The following LRRTM4 variants were observed in gnomAD, a reference collection of about 807,000 sequenced individuals.
The protein encoded by LRRTM4 is leucine rich repeat transmembrane neuronal 4.
LRRTM4 carries 25 observed loss-of-function variants against 47.6 expected under a neutral mutation model. That is an observed-to-expected ratio of 0.53 (90% CI 0.38 to 0.73). The LOEUF is 0.73. Ranked by LOEUF, LRRTM4 falls within the 30% of genes least tolerant of loss-of-function variation. The probability of loss-of-function intolerance (pLI) is 0.00; values close to 1 mark genes in which losing one functional copy is unlikely to be tolerated. For synonymous variants in LRRTM4, 311 were observed against 269.5 expected, an observed-to-expected ratio of 1.15 and a Z score of -1.51; for missense variants, 638 against 713.4, an observed-to-expected ratio of 0.89 and a Z score of 1.20.
intron 3 of LRRTM4, among the ~76,000 whole-genome samples, chr2:77,132,403 A>C (rs1014263892): frequency 2.6e-5 from 4 of 152,038 alleles, no homozygotes; most frequent in Non-Finnish European, 4.4e-5. Context: ...ATTGATGGAC[A>C]CTTAGGTTGG....
At chr2:77,379,356 C>T (rs934760679) in intron 3 of LRRTM4, among the ~76,000 whole-genome samples, 1 of 152,082 alleles carries the variant, frequency 6.6e-6, no homozygotes, top group Middle Eastern at 3.4e-3. Context: ...TGTTTAGGTG[C>T]ATTTTATGAT....
chr2:76,760,202 C>G (rs2222178), intron 3 of LRRTM4, among the ~76,000 whole-genome samples: 44,648 of 152,060 alleles, frequency 0.29, 7,110 homozygotes, highest in East Asian at 0.47. Flanking sequence ...TAAAACAGGA[C>G]ATCTAGAATC....
chr2:77,105,012 C>G (rs917273979), intron 3 of LRRTM4, among the ~76,000 whole-genome samples: 2 of 151,332 alleles, frequency 1.3e-5, no homozygotes, highest in Non-Finnish European at 2.9e-5. Context: ...ACCCCAATAA[C>G]GTTTGAGAAT....
intron 3 of LRRTM4, among the ~76,000 whole-genome samples, chr2:76,903,714 C>T (rs1388286068): frequency 6.6e-6 from 1 of 152,038 alleles, no homozygotes; most frequent in Non-Finnish European, 1.5e-5. Flanking sequence ...AAAGGAGAAA[C>T]ATCTATAAAG....
At chr2:77,278,201 C>A (rs1185333270) in intron 3 of LRRTM4, among the ~76,000 whole-genome samples, 5 of 152,072 alleles carry the variant, frequency 3.3e-5, no homozygotes, top group African/African-American at 1.2e-4. Flanking sequence ...ACAATGTCAC[C>A]ATGGGCAAAG....
At chr2:76,821,192 T>A (rs756045008) in intron 3 of LRRTM4, among the ~76,000 whole-genome samples, 1 of 151,616 alleles carries the variant, frequency 6.6e-6, no homozygotes, top group Non-Finnish European at 1.5e-5. Flanking sequence ...ATGTGTGATA[T>A]AGCAAAACAA....
chr2:77,033,207 A>C (rs1172384589), intron 3 of LRRTM4, among the ~76,000 whole-genome samples: 1 of 152,006 alleles, frequency 6.6e-6, no homozygotes, highest in Non-Finnish European at 1.5e-5. Flanking sequence ...TCAGTATTTA[A>C]AACTCATATT....
chr2:77,362,777 G>A (rs910570943), intron 3 of LRRTM4, among the ~76,000 whole-genome samples: 15 of 152,048 alleles, frequency 9.9e-5, no homozygotes, highest in Non-Finnish European at 1.9e-4. Context: ...TCAAATAACT[G>A]AGTCCTTTTT....
chr2:77,234,503 G>T (rs746910038), intron 3 of LRRTM4, among the ~76,000 whole-genome samples: 5 of 152,074 alleles, frequency 3.3e-5, no homozygotes, highest in African/African-American at 4.8e-5. Context: ...GGATTAACAA[G>T]TATATTAAAA....
intron 3 of LRRTM4, among the ~76,000 whole-genome samples, chr2:77,102,829 G>C (rs567367109): frequency 6.6e-6 from 1 of 152,222 alleles, no homozygotes; most frequent in East Asian, 1.9e-4. Flanking sequence ...TTTGGTGTCT[G>C]CTTTTGCTAA....
intron 3 of LRRTM4, among the ~76,000 whole-genome samples, chr2:76,971,932 A>G (rs1436197386): frequency 6.6e-6 from 1 of 152,088 alleles, no homozygotes; most frequent in Non-Finnish European, 1.5e-5. Context: ...ACTGTTGATC[A>G]TGGTGACAGT....
intron 3 of LRRTM4, among the ~76,000 whole-genome samples, chr2:76,910,518 C>T (rs62170304): frequency 0.14 from 21,981 of 152,012 alleles, 2,002 homozygotes; most frequent in Admixed American, 0.22. Context: ...GAAAAGGCAT[C>T]ATTCTTATAG....
At chr2:76,980,941 A>G (rs1676588866) in intron 3 of LRRTM4, among the ~76,000 whole-genome samples, 1 of 152,074 alleles carries the variant, frequency 6.6e-6, no homozygotes, top group Admixed American at 6.6e-5. Flanking sequence ...TATTTAAGTG[A>G]TCTTATCTAC....
chr2:77,118,009 G>C (rs1365804814), intron 3 of LRRTM4, among the ~76,000 whole-genome samples: 1 of 151,862 alleles, frequency 6.6e-6, no homozygotes, highest in African/African-American at 2.4e-5. Context: ...TATTTCACAA[G>C]TAAATAACTA....
intron 3 of LRRTM4, among the ~76,000 whole-genome samples, chr2:77,065,311 TATAAAG>T (rs1387547671): frequency 6.6e-6 from 1 of 152,178 alleles, no homozygotes; most frequent in Non-Finnish European, 1.5e-5. Flanking sequence ...GCTCAGAAGT[TATAAAG>T]ATAAACATAC....
At chr2:77,194,350 G>C (rs554806065) in intron 3 of LRRTM4, among the ~76,000 whole-genome samples, 1 of 152,084 alleles carries the variant, frequency 6.6e-6, no homozygotes, top group Non-Finnish European at 1.5e-5. Flanking sequence ...TATCAGTTAG[G>C]ATTTGATGAC....
At chr2:76,819,091 C>G (rs867638780) in intron 3 of LRRTM4, among the ~76,000 whole-genome samples, 1 of 151,550 alleles carries the variant, frequency 6.6e-6, no homozygotes. Context: ...ATTACTTTCC[C>G]GACAAATGAG....
chr2:76,781,911 T>A (rs1247335862), intron 3 of LRRTM4, among the ~76,000 whole-genome samples: 1 of 152,196 alleles, frequency 6.6e-6, no homozygotes, highest in African/African-American at 2.4e-5. Context: ...ATCTGCTGCC[T>A]CTTGATCATC....
intron 3 of LRRTM4, among the ~76,000 whole-genome samples, chr2:76,853,372 C>T (rs1468251166): frequency 6.6e-6 from 1 of 152,060 alleles, no homozygotes; most frequent in African/African-American, 2.4e-5. Context: ...TTTTTAAATA[C>T]AAGTCTGCCC....
Sources: allele counts gnomAD v4.1 joint callset (sites outside exome capture counted in the v4.1 genomes callset), GRCh38; gene constraint gnomAD v4.1.1; transcripts MANE v1.5; gene names NCBI Gene and HGNC (gene_info 2026-07-23, HGNC 2026-07-21).